Variants in PPFIA2 observed in about 807,000 individuals in gnomAD.
PPFIA2 encodes PPFI scaffold protein A2.
A neutral mutation model predicts 175.5 loss-of-function variants in PPFIA2; 46 were observed. That is an observed-to-expected ratio of 0.26 (90% confidence interval 0.21 to 0.34). The LOEUF (loss-of-function observed/expected upper bound fraction) is 0.34. Among genes scored for constraint, PPFIA2 ranks in the 10% least tolerant of loss-of-function variants. The pLI is 1.00. For synonymous variants in PPFIA2, 568 were observed against 511.4 expected, an observed-to-expected ratio of 1.11 and a Z score of -1.49; for missense variants, 1,179 against 1,506.1, an observed-to-expected ratio of 0.78 and a Z score of 3.60.
chr12:81,534,843 G>A (rs1478428053), intron 4 of PPFIA2, among the ~76,000 whole-genome samples: 3 of 151,634 alleles, frequency 2.0e-5, no homozygotes, highest in African/African-American at 7.3e-5. Context: ...ATATGCAAAT[G>A]GCTTGCTCCC....
chr12:81,277,426 A>AT lies in PPFIA2; in HGVS notation c.3213-13dup. 2 of 1,456,144 alleles carry AT rather than the reference A, an allele frequency of 1.4e-6. No individual in the cohort carries two copies. Among genetic ancestry groups the AT allele is most frequent in the East Asian group, 2.6e-5 (1 of 39,082 alleles). The allele number at this position is 1,456,144 out of a possible 1,614,324, so 90.2% of individuals were successfully genotyped here. On this transcript the variant is annotated splice_polypyrimidine_tract_variant and intron_variant, in intron 27 of 32. Transcript: ENST00000549396. ...ATTGTAAACTTGTTCTTTTTTTTTT[A>AT]TTAAAAAAAAAAAAACACAGTGAGT...
chr12:81,431,636 G>C (rs1217019044), intron 7 of PPFIA2, among the ~76,000 whole-genome samples: 2 of 152,130 alleles, frequency 1.3e-5, no homozygotes, highest in Non-Finnish European at 2.9e-5. Flanking sequence ...TCTACTCAAT[G>C]CTGTATTTTC....
intron 4 of PPFIA2, among the ~76,000 whole-genome samples, chr12:81,471,554 A>T (rs1464401572): frequency 6.6e-6 from 1 of 151,068 alleles, no homozygotes; most frequent in African/African-American, 2.4e-5. Flanking sequence ...ATTGATGGAC[A>T]TTTAGGTTGT....
At chr12:81,660,116 C>T (rs965105668) in intron 4 of PPFIA2, among the ~76,000 whole-genome samples, 2 of 152,124 alleles carry the variant, frequency 1.3e-5, no homozygotes, top group Non-Finnish European at 2.9e-5. Context: ...AGCAGAAAAA[C>T]TGAAAATTCT....
chr12:81,455,730 T>G (rs151264162), intron 5 of PPFIA2, among the ~76,000 whole-genome samples: 1 of 152,216 alleles, frequency 6.6e-6, no homozygotes, highest in Non-Finnish European at 1.5e-5. Context: ...TGTTAAGCAA[T>G]GTCCTCTCTA....
chr12:81,733,887 C>T (rs2081246304), intron 3 of PPFIA2, among the ~76,000 whole-genome samples: 1 of 151,628 alleles, frequency 6.6e-6, no homozygotes, highest in Non-Finnish European at 1.5e-5. Context: ...AACATTTTAT[C>T]CTGTAACCTA....
chr12:81,362,065 A>G (rs557016317), intron 15 of PPFIA2, among the ~76,000 whole-genome samples: 2 of 151,376 alleles, frequency 1.3e-5, no homozygotes, highest in South Asian at 4.2e-4. Context: ...TCTATCAAGT[A>G]AGCTGCCATC....
At chr12:81,293,253 T>A (rs2045522049) in intron 24 of PPFIA2, among the ~76,000 whole-genome samples, 1 of 151,670 alleles carries the variant, frequency 6.6e-6, no homozygotes, top group African/African-American at 2.4e-5. Context: ...AGGAATGGAA[T>A]AAACAAATAA....
At chr12:81,654,922 C>CT (rs2067546198) in intron 4 of PPFIA2, among the ~76,000 whole-genome samples, 1 of 152,086 alleles carries the variant, frequency 6.6e-6, no homozygotes, top group Non-Finnish European at 1.5e-5. Context: ...GTAGAATTCA[C>CT]TGGTGAAGCC....
intron 4 of PPFIA2, among the ~76,000 whole-genome samples, chr12:81,554,147 G>A (rs890316367): frequency 6.6e-6 from 1 of 151,968 alleles, no homozygotes; most frequent in African/African-American, 2.4e-5. Context: ...AAGTAAAAAT[G>A]ATAAGTCTGA....
At chr12:81,266,229 A>G (rs1434545140) in intron 30 of PPFIA2, among the ~76,000 whole-genome samples, 1 of 152,108 alleles carries the variant, frequency 6.6e-6, no homozygotes, top group African/African-American at 2.4e-5. Flanking sequence ...GCATCTCTTT[A>G]TTTTCTATTT....
chr12:81,696,442 C>T (rs956161981), intron 3 of PPFIA2, among the ~76,000 whole-genome samples: 2 of 152,094 alleles, frequency 1.3e-5, no homozygotes, highest in Non-Finnish European at 2.9e-5. Flanking sequence ...AGTATTGGGA[C>T]CCAGTGAAGG....
At chr12:81,392,562 G>T (rs890136693) in intron 8 of PPFIA2, among the ~76,000 whole-genome samples, 2 of 151,724 alleles carry the variant, frequency 1.3e-5, no homozygotes, top group African/African-American at 4.8e-5. Flanking sequence ...TATCAGAAAG[G>T]CCTTTCACCC....
rs2054683901 is a variant in PPFIA2 at position 81,462,260 on chromosome 12, T to TATATATATATATATATATGTTAGAAAAC, written c.304-4395_304-4394insGTTTTCTAACATATATATATATATATAT. Reference sequence around the variant, plus strand: ...GTCTGCCATGCTTTTCTAACATATATATATATATATATATATGTTAGAAAA... The same window carrying TATATATATATATATATATGTTAGAAAAC: ...GTCTGCCATGCTTTTCTAACATATATATATATATATATATATATGTTAGAAAACATATATATATATATATGTTAGAAAA... On this transcript the variant is annotated intron_variant, in intron 4 of 32. Transcript: ENST00000549396. Among the ~76,000 whole-genome samples, 44 of 133,986 alleles carry TATATATATATATATATATGTTAGAAAAC rather than the reference T, an allele frequency of 3.3e-4. No homozygotes were observed. In the South Asian group the frequency reaches 8.4e-3, roughly 26 times the overall value. The allele number at this position is 133,986 out of a possible 152,430, so 87.9% of individuals were successfully genotyped here.
At chr12:81,433,062 TA>T (rs2048381122) in intron 7 of PPFIA2, among the ~76,000 whole-genome samples, 1 of 152,052 alleles carries the variant, frequency 6.6e-6, no homozygotes. Flanking sequence ...ATATTACCTT[TA>T]GTGCTTTCTC....
Position 81,353,219 on chromosome 12 carries a change from A to G in PPFIA2, c.1894T>C (p.Phe632Leu). Residue 632 changes from phenylalanine (F) to leucine (L), a missense_variant, in exon 17 of 33, where the codon TTT becomes CTT. Physicochemically the swap from Phe to Leu is conservative, Grantham distance 22. Transcript: ENST00000549396. ...GGAGAGAGAAGATCCATTGAGCTAA[A>G]AATTGTTTCTCTGTCATCATCATCA... ...DIDDDDRETI[F>L]SSMDLLSPSG... is the part of the protein sequence containing the mutation. The G allele has an allele frequency of 1.2e-6, 2 of 1,613,818 alleles. No homozygotes were observed. The highest frequency in any genetic ancestry group is 1.7e-6 in the Non-Finnish European group (2 of 1,179,808).
intron 4 of PPFIA2, among the ~76,000 whole-genome samples, chr12:81,593,622 TAAAG>T: frequency 6.6e-6 from 1 of 151,282 alleles, no homozygotes; most frequent in South Asian, 2.1e-4. Context: ...TATGAACAAA[TAAAG>T]AGGATTTTTT....
chr12:81,277,498 CTA>C (rs1303354536), intron 27 of PPFIA2, 84 bp from the exon 28 acceptor site: 1 of 1,285,536 alleles, frequency 7.8e-7, no homozygotes, highest in Non-Finnish European at 9.9e-7. Flanking sequence ...ATAGTCAACA[CTA>C]TGCACTGCTT....
chr12:81,439,865 A>T, intron 7 of PPFIA2, 107 bp downstream of exon 7: 1 of 946,890 alleles, frequency 1.1e-6, no homozygotes, highest in Non-Finnish European at 1.6e-6. Context: ...GCATAGACAG[A>T]ATGTAATTTA....
Sources: allele counts gnomAD v4.1 joint callset (sites outside exome capture counted in the v4.1 genomes callset), GRCh38; gene constraint gnomAD v4.1.1; transcripts MANE v1.5; gene names NCBI Gene and HGNC (gene_info 2026-07-23, HGNC 2026-07-21).